The following COL14A1 variants were observed in gnomAD, a reference collection of about 807,000 sequenced individuals.
COL14A1 encodes the protein collagen type XIV alpha 1 chain.
In COL14A1, 136 loss-of-function variants were observed where a neutral mutation model predicts 230.3. The observed-to-expected ratio is 0.59, with a 90% CI of 0.51 to 0.68. COL14A1 has a LOEUF of 0.68. Among genes scored for constraint, COL14A1 ranks in the 30% least tolerant of loss-of-function variants. The probability of loss-of-function intolerance (pLI) is 0.00; values close to 1 mark genes in which losing one functional copy is unlikely to be tolerated. For synonymous variants in COL14A1, 792 were observed against 784.1 expected (o/e 1.01, Z -0.17); for missense variants, 1,976 against 2,215.8 (o/e 0.89, Z 2.17).
At chr8:120,269,878 G>A (rs541921099) in intron 25 of COL14A1, among the ~76,000 whole-genome samples, 157 bp from the exon 26 acceptor site, 14 of 151,904 alleles carry the variant, frequency 9.2e-5, no homozygotes, top group Admixed American at 3.9e-4. Flanking sequence ...AAGAAGCATA[G>A]TGAGCAGGAG....
chr8:120,221,806 T>G (rs976700888), intron 14 of COL14A1, among the ~76,000 whole-genome samples: 1 of 152,110 alleles, frequency 6.6e-6, no homozygotes, highest in Non-Finnish European at 1.5e-5. Context: ...CTTCGGAAAA[T>G]AGTTGTAAAA....
chr8:120,255,202 C>A, intron 22 of COL14A1, 38 bp from the exon 23 acceptor site: 1 of 1,497,808 alleles, frequency 6.7e-7, no homozygotes, highest in Non-Finnish European at 9.3e-7. Flanking sequence ...TGTGTGTTGT[C>A]TGCGGTGTGA....
In COL14A1 at chr8:120,250,484, C is replaced by T. The variant is rs1353218631; in HGVS notation, c.2603-133C>T. The stretch of plus-strand genomic sequence containing the variant: ...GAGCTAGATGAGACCAGATTCAAAC[C>T]TCAACCCTGCTGTCTGCTTGCTGTA... On this transcript the variant is annotated intron_variant, in intron 21 of 47. Transcript: ENST00000297848. 21 of 952,550 alleles carry T rather than the reference C, an allele frequency of 2.2e-5. No homozygotes were observed. In the East Asian group the frequency reaches 5.2e-4, roughly 23 times the overall value. 59.0% of individuals were successfully genotyped at this position (952,550 alleles called of 1,614,324 possible). A position where few individuals can be genotyped will look rare whatever the true frequency, so the allele number is the denominator to read the frequency against.
intron 45 of COL14A1, among the ~76,000 whole-genome samples, chr8:120,363,429 G>A (rs1679784144): frequency 1.3e-5 from 2 of 152,094 alleles, no homozygotes; most frequent in Non-Finnish European, 1.5e-5. Context: ...TGGGAGGAGG[G>A]GCAAGGGGAG....
At chr8:120,290,280 T>C (rs1415219729) in intron 34 of COL14A1, among the ~76,000 whole-genome samples, 1 of 152,178 alleles carries the variant, frequency 6.6e-6, no homozygotes, top group Non-Finnish European at 1.5e-5. Context: ...TTAATTATTG[T>C]GATTATTGAG....
chr8:120,220,825 GTGATAA>G (rs1253652997), intron 14 of COL14A1, among the ~76,000 whole-genome samples: 4 of 152,044 alleles, frequency 2.6e-5, no homozygotes, highest in African/African-American at 7.3e-5. Context: ...GATGATGATG[GTGATAA>G]TGATAATGAT....
At chr8:120,278,911 C>T (rs1024103447) in intron 28 of COL14A1, among the ~76,000 whole-genome samples, 1 of 151,752 alleles carries the variant, frequency 6.6e-6, no homozygotes, top group African/African-American at 2.4e-5. Flanking sequence ...AAATGTCCAT[C>T]GATGACAGAC....
chr8:120,169,765 A>G (rs1816039118), intron 5 of COL14A1, among the ~76,000 whole-genome samples: 1 of 151,996 alleles, frequency 6.6e-6, no homozygotes, highest in Non-Finnish European at 1.5e-5. Flanking sequence ...ACATTTTCAT[A>G]CTTTTCTTCT....
rs368026412 is a variant in COL14A1, at chr8:120,212,432, C to T, written c.1468-16C>T. 239 of 1,611,858 alleles carry T rather than the reference C, an allele frequency of 1.5e-4. 1 individual carries two copies. Among genetic ancestry groups the T allele is most frequent in the Admixed American group, 2.0e-4 (12 of 59,872 alleles). On this transcript the variant is annotated splice_polypyrimidine_tract_variant and intron_variant, in intron 12 of 47. Transcript: ENST00000297848. ...TATGTATTGGCAAATGATCTAACAA[C>T]ATGTGTTCTTTTCAGATGAAAATTG... is the stretch of plus-strand genomic sequence containing the variant.
At chr8:120,356,380 A>G (rs1822985408) in intron 45 of COL14A1, among the ~76,000 whole-genome samples, 2 of 152,242 alleles carry the variant, frequency 1.3e-5, no homozygotes, top group Non-Finnish European at 2.9e-5. Context: ...TGATTCCAGA[A>G]TGCCTGTGCT....
intron 46 of COL14A1, among the ~76,000 whole-genome samples, chr8:120,368,278 T>C (rs1823475414): frequency 6.6e-6 from 1 of 152,262 alleles, no homozygotes; most frequent in Non-Finnish European, 1.5e-5. Context: ...TTAAGTAAAG[T>C]GCTTTACAGA....
At chr8:120,296,938 T>C (rs1344804848) in intron 34 of COL14A1, among the ~76,000 whole-genome samples, 2 of 152,036 alleles carry the variant, frequency 1.3e-5, no homozygotes, top group Non-Finnish European at 2.9e-5. Context: ...GTCAGGACTA[T>C]GATTTTTTAA....
chr8:120,334,990 G>A (rs1822002341), intron 42 of COL14A1, among the ~76,000 whole-genome samples: 1 of 152,202 alleles, frequency 6.6e-6, no homozygotes, highest in Admixed American at 6.5e-5. Flanking sequence ...ATTTGTGCAT[G>A]AGGTTCTTAT....
chr8:120,186,022 C>G (rs1816643306), intron 5 of COL14A1, among the ~76,000 whole-genome samples: 1 of 152,192 alleles, frequency 6.6e-6, no homozygotes, highest in South Asian at 2.1e-4. Context: ...ATCCACCCAC[C>G]TCAGCCTCCC....
At chr8:120,147,767 C>T (rs1815143889) in intron 1 of COL14A1, 39 bp from the exon 2 acceptor site, 1 of 1,046,678 alleles carries the variant, frequency 9.6e-7, no homozygotes, top group Admixed American at 2.2e-5. Flanking sequence ...ACTTTATTTT[C>T]AGCCTTCTCA....
chr8:120,329,665 CA>C (rs1563740885), intron 40 of COL14A1, among the ~76,000 whole-genome samples: 1 of 152,118 alleles, frequency 6.6e-6, no homozygotes, highest in African/African-American at 2.4e-5. Flanking sequence ...GTTTAGTTAG[CA>C]GGTCTAAGGA....
At position 120,197,864 on chromosome 8, in the gene COL14A1, A is replaced by G. The variant is rs1202198006; in HGVS notation, c.646A>G (p.Ser216Gly). The change falls in exon 7 of 48, where the codon AGC becomes GGC. Residue 216 changes from serine (S) to glycine (G), a missense_variant. Physicochemically the swap from Ser to Gly is moderately conservative, Grantham distance 56. This residue lies in a region of COL14A1 where 1,791 missense variants were observed against 2,019.5 expected (regional missense o/e 0.89). Coordinates refer to ENST00000297848, the MANE Select transcript of COL14A1 (RefSeq NM_021110.4). Reference sequence around the variant, plus strand: ...AATAGAATGGCACTTGAATGCATTTAGCACAAAAGATGAAGTGATTGAAGC... The same window carrying G: ...AATAGAATGGCACTTGAATGCATTTGGCACAAAAGATGAAGTGATTGAAGC... Reference protein sequence around the residue: ...PRIEWHLNAFSTKDEVIEAVR... With the variant: ...PRIEWHLNAFGTKDEVIEAVR... 1 of 1,613,700 alleles carries G rather than the reference A, an allele frequency of 6.2e-7. No homozygotes were observed. Among genetic ancestry groups the G allele is most frequent in the Admixed American group, 1.7e-5 (1 of 60,018 alleles).
chr8:120,203,828 A>G lies in COL14A1; in HGVS notation c.997A>G (p.Thr333Ala), dbSNP rs1817338829. Residue 333 changes from threonine (T) to alanine (A), a missense_variant, in exon 9 of 48, where the codon ACT (threonine) becomes GCT (alanine). Transcript: ENST00000297848. The stretch of plus-strand genomic sequence containing the variant: ...CACAGTTGTGGAGAGTCTGACCAGG[A>G]CTCTCTGCTCTAGAGTGGAAGAACA... ...MHTVVESLTR[T>A]LCSRVEEQDR... is the part of the protein sequence containing the mutation. 6.2e-7 allele frequency: 1 copy of G among 1,613,820 alleles called. No homozygotes were observed. The highest frequency in any genetic ancestry group is 8.5e-7 in the Non-Finnish European group (1 of 1,179,890).
chr8:120,346,493 G>A (rs1050123823), intron 45 of COL14A1, among the ~76,000 whole-genome samples: 4 of 152,106 alleles, frequency 2.6e-5, no homozygotes, highest in African/African-American at 9.7e-5. Context: ...TTGTGGGATG[G>A]GTAGGATATA....
Sources: allele counts gnomAD v4.1 joint callset (sites outside exome capture counted in the v4.1 genomes callset), GRCh38; gene constraint gnomAD v4.1.1; regional missense constraint gnomAD v4.1.1; transcripts MANE v1.5; gene names NCBI Gene and HGNC (gene_info 2026-07-23, HGNC 2026-07-21).